Variants in RGS7BP observed in about 807,000 individuals in gnomAD.
RGS7BP encodes regulator of G protein signaling 7 binding protein, also known as regulator of G protein signaling 7-binding protein.
A neutral mutation model predicts 31.3 loss-of-function variants in RGS7BP; 9 were observed. That is an observed-to-expected ratio of 0.29 (90% CI 0.17 to 0.50). RGS7BP has a LOEUF of 0.50. RGS7BP is among the 20% of genes least tolerant of loss of function. The pLI, the probability that RGS7BP is intolerant of heterozygous loss-of-function variation, is 0.98. For missense variants in RGS7BP, 274 were observed against 322.0 expected, an observed-to-expected ratio of 0.85 and a Z score of 1.14; for synonymous variants, 115 against 120.1, an observed-to-expected ratio of 0.96 and a Z score of 0.28.
At chr5:64,547,361 G>A (rs1741682722) in intron 2 of RGS7BP, among the ~76,000 whole-genome samples, 1 of 152,156 alleles carries the variant, frequency 6.6e-6, no homozygotes, top group Non-Finnish European at 1.5e-5. Context: ...GCAGTGTATG[G>A]AAATTCTTCT....
At chr5:64,570,698 T>C (rs1041864918) in intron 2 of RGS7BP, among the ~76,000 whole-genome samples, 1 of 152,156 alleles carries the variant, frequency 6.6e-6, no homozygotes, top group Non-Finnish European at 1.5e-5. Context: ...CTCCCAGTGG[T>C]TTTGATTAAT....
chr5:64,543,988 GAA>G (rs1485968269), intron 2 of RGS7BP, among the ~76,000 whole-genome samples: 4 of 152,142 alleles, frequency 2.6e-5, no homozygotes, highest in African/African-American at 9.6e-5. Context: ...TCCCTTTCCA[GAA>G]ATGCCAAAAA....
chr5:64,572,040 C>T (rs1260925799), intron 2 of RGS7BP, among the ~76,000 whole-genome samples: 1 of 152,056 alleles, frequency 6.6e-6, no homozygotes, highest in Non-Finnish European at 1.5e-5. Flanking sequence ...CCAGGGGTGA[C>T]TCTCATAGAC....
intron 3 of RGS7BP, among the ~76,000 whole-genome samples, chr5:64,591,013 A>T (rs1379476592): frequency 2.0e-5 from 3 of 152,154 alleles, no homozygotes; most frequent in Non-Finnish European, 4.4e-5. Flanking sequence ...TTAGAAGAAA[A>T]TATAGGCAAG....
At chr5:64,606,634 T>C (rs1323833414) in intron 5 of RGS7BP, among the ~76,000 whole-genome samples, 1 of 152,056 alleles carries the variant, frequency 6.6e-6, no homozygotes, top group African/African-American at 2.4e-5. Context: ...CATATCCAAC[T>C]AGGTTAAGTA....
At chr5:64,541,110 T>A (rs1053254026) in intron 2 of RGS7BP, among the ~76,000 whole-genome samples, 2 of 152,144 alleles carry the variant, frequency 1.3e-5, no homozygotes, top group African/African-American at 4.8e-5. Context: ...CGAAGCATAG[T>A]GCCAGCCTCT....
intron 2 of RGS7BP, among the ~76,000 whole-genome samples, chr5:64,552,156 G>T (rs1741809913): frequency 6.6e-6 from 1 of 152,064 alleles, no homozygotes; most frequent in South Asian, 2.1e-4. Context: ...TATGTCTTTT[G>T]ATGATCACAA....
chr5:64,599,158 G>A (rs1192008080), intron 5 of RGS7BP, among the ~76,000 whole-genome samples: 2 of 152,224 alleles, frequency 1.3e-5, no homozygotes, highest in African/African-American at 4.8e-5. Context: ...CACAATCGAT[G>A]TTTGTTAAAT....
intron 2 of RGS7BP, among the ~76,000 whole-genome samples, chr5:64,508,918 G>A (rs1230813238): frequency 6.6e-6 from 1 of 152,142 alleles, no homozygotes; most frequent in Non-Finnish European, 1.5e-5. Context: ...AGATTGGAAA[G>A]CCATATACTG....
At chr5:64,608,065 C>G (rs779962518) in intron 5 of RGS7BP, among the ~76,000 whole-genome samples, 3 of 152,072 alleles carry the variant, frequency 2.0e-5, no homozygotes, top group Non-Finnish European at 2.9e-5. Context: ...AAGGAGGGAA[C>G]TCCTTAGCCC....
At chr5:64,560,893 A>G (rs930444596) in intron 2 of RGS7BP, among the ~76,000 whole-genome samples, 3 of 152,154 alleles carry the variant, frequency 2.0e-5, no homozygotes, top group Non-Finnish European at 4.4e-5. Context: ...GAGAATAATG[A>G]CAGTCCATGA....
intron 2 of RGS7BP, among the ~76,000 whole-genome samples, chr5:64,553,171 CTTTT>C (rs542252038): frequency 8.5e-6 from 1 of 118,234 alleles, no homozygotes; most frequent in African/African-American, 3.2e-5. Context: ...TTCTTTCTTT[CTTTT>C]TTTTTTTTTT....
chr5:64,592,163 T>C lies in RGS7BP; in HGVS notation c.464-2547T>C, dbSNP rs143476873. Among the ~76,000 whole-genome samples, 515 of 152,292 alleles carry C rather than the reference T, an allele frequency of 3.4e-3. 4 individuals are homozygous for C. Among genetic ancestry groups the C allele is most frequent in the African/African-American group, 0.012 (500 of 41,566 alleles). On this transcript the variant is annotated intron_variant, in intron 3 of 5. Transcript: ENST00000334025. ...CTTGACACCACATACATTCTGGAATTGAAAACCCCTTAAATTCATATTGAT... is the reference window on the plus strand; with the variant it reads ...CTTGACACCACATACATTCTGGAATCGAAAACCCCTTAAATTCATATTGAT...
chr5:64,603,093 A>T (rs1237215776), intron 5 of RGS7BP, among the ~76,000 whole-genome samples: 1 of 152,172 alleles, frequency 6.6e-6, no homozygotes, highest in Non-Finnish European at 1.5e-5. Context: ...AAGACCCCTT[A>T]GGCCATGTTA....
At chr5:64,563,923 T>TTTATTTGTAATTG (rs1742111107) in intron 2 of RGS7BP, among the ~76,000 whole-genome samples, 1 of 152,182 alleles carries the variant, frequency 6.6e-6, no homozygotes, top group Non-Finnish European at 1.5e-5. Context: ...CTGCACTTCT[T>TTTATTTGTAATTG]TTATTTGTAA....
chr5:64,598,395 C>A lies in RGS7BP; in HGVS notation c.642C>A (p.Ser214Arg). ...RDMREMKNLL[S>R]KLRETMPLPL... ...TGAGAGAAATGAAAAACCTTTTAAG[C>A]AAACTCAGGGAAACTATGCCTTTAC... is the stretch of plus-strand genomic sequence containing the variant. Residue 214 changes from serine to arginine, a missense_variant, in exon 5 of 6, where the codon AGC becomes AGA. Around this residue, in one of 3 missense-constraint regions of RGS7BP, gnomAD observed 112 missense variants for 130.9 expected, o/e 0.86. Transcript: ENST00000334025. 1 of 1,604,228 alleles carries A rather than the reference C, an allele frequency of 6.2e-7. No homozygotes were observed.
Position 64,506,645 on chromosome 5 carries a change from G to A in RGS7BP, c.21G>A (p.Gly7=). The change falls in exon 1 of 6, where the codon GGG becomes GGA. Residue 7 remains glycine (G), a synonymous_variant. Coordinates refer to ENST00000334025, the MANE Select transcript of RGS7BP (RefSeq NM_001029875.3). The surrounding 1 kb of genome is among the most constrained non-coding windows in gnomAD (Gnocchi z 4.6). The part of the protein sequence containing the change: MSSAPN[G]RKKRPSRSTR... The stretch of plus-strand genomic sequence containing the variant: ...TATGCATGAGTTCTGCACCGAATGG[G>A]CGCAAAAAGCGCCCCAGCCGGTCCA... 2 of 1,610,962 alleles carry A rather than the reference G, an allele frequency of 1.2e-6. No individual in the cohort carries two copies. The highest frequency in any genetic ancestry group is 1.7e-6 in the Non-Finnish European group (2 of 1,178,234).
intron 5 of RGS7BP, among the ~76,000 whole-genome samples, chr5:64,602,679 T>C (rs1261258253): frequency 6.6e-6 from 1 of 152,160 alleles, no homozygotes; most frequent in Non-Finnish European, 1.5e-5. Flanking sequence ...TGGTAGAGCC[T>C]TCAGGGTTGG....
intron 2 of RGS7BP, among the ~76,000 whole-genome samples, chr5:64,564,510 C>T (rs3797049): frequency 0.15 from 22,834 of 152,032 alleles, 2,813 homozygotes; most frequent in African/African-American, 0.33. Context: ...TTATAATTCA[C>T]GATTTATGAG....
Sources: gnomAD v4.1 joint callset for allele counts (sites outside exome capture counted in the v4.1 genomes callset) on GRCh38, gnomAD v4.1.1 for gene constraint, gnomAD v4.1.1 regional missense constraint, Gnocchi (gnomAD v3.1) non-coding constraint, MANE v1.5 for transcripts, NCBI Gene and HGNC (gene_info 2026-07-23, HGNC 2026-07-21) for gene names.